Variants in YBX3 observed in about 807,000 individuals in gnomAD.
YBX3 encodes the protein Y-box-binding protein 3.
In YBX3, 29 loss-of-function variants were observed where a neutral mutation model predicts 42.4. That is an observed-to-expected ratio of 0.68 (90% confidence interval 0.51 to 0.93). YBX3 has a LOEUF of 0.93. Ranked by LOEUF, YBX3 falls within the 40% of genes least tolerant of loss-of-function variation. The probability of loss-of-function intolerance (pLI) is 0.00; values close to 1 mark genes in which losing one functional copy is unlikely to be tolerated. For missense variants in YBX3, 517 were observed against 527.5 expected (o/e 0.98, Z 0.19); for synonymous variants, 195 against 189.8 (o/e 1.03, Z -0.22).
chr12:10,704,217 T>A (rs1948113416), intron 6 of YBX3, 69 bp from the exon 7 acceptor site: 2 of 1,325,484 alleles, frequency 1.5e-6, no homozygotes, highest in Non-Finnish European at 2.1e-6. Context: ...CATACAGCTA[T>A]GTTCAGAATT....
intron 1 of YBX3, among the ~76,000 whole-genome samples, chr12:10,720,262 G>GTTA (rs769078370): frequency 6.6e-6 from 1 of 152,172 alleles, no homozygotes; most frequent in Non-Finnish European, 1.5e-5. Context: ...AACTAAAATA[G>GTTA]TAATTAAGAC....
chr12:10,722,606 G>A (rs1211162385), intron 1 of YBX3, among the ~76,000 whole-genome samples: 1 of 152,246 alleles, frequency 6.6e-6, no homozygotes, highest in Non-Finnish European at 1.5e-5. Context: ...CCCGGAACCA[G>A]AAGGGAGATG....
chr12:10,717,966 A>C (rs1948281234), intron 3 of YBX3, 122 bp downstream of exon 3: 2 of 784,758 alleles, frequency 2.5e-6, no homozygotes, highest in South Asian at 6.2e-5. Context: ...GTTGCAAAAT[A>C]AATCACAGAA....
intron 1 of YBX3, chr12:10,720,711 ATTG>A (rs1011070478): frequency 2.4e-4 from 37 of 152,354 alleles, no homozygotes; most frequent in African/African-American, 8.9e-4. Flanking sequence ...AATATCTAGC[ATTG>A]TTGAAGGAAT....
chr12:10,701,215 G>A (rs1189734573), intron 9 of YBX3, 39 bp downstream of exon 9: 8 of 755,202 alleles, frequency 1.1e-5, no homozygotes, highest in Non-Finnish European at 1.7e-5. Context: ...ATACTAAAAA[G>A]AAAATACCAA....
At chr12:10,716,960 T>G (rs778154538) in intron 3 of YBX3, among the ~76,000 whole-genome samples, 1 of 152,196 alleles carries the variant, frequency 6.6e-6, no homozygotes, top group African/African-American at 2.4e-5. Context: ...CAGCCACCAA[T>G]ACAGCAACTT....
chr12:10,705,952 A>C (rs11053911), intron 6 of YBX3, among the ~76,000 whole-genome samples: 19,051 of 152,144 alleles, frequency 0.13, 1,537 homozygotes, highest in African/African-American at 0.22. Flanking sequence ...CCCAGCTCTG[A>C]AATCAGCCAT....
intron 4 of YBX3, among the ~76,000 whole-genome samples, chr12:10,713,634 T>C (rs1467231315): frequency 6.6e-6 from 1 of 152,164 alleles, no homozygotes; most frequent in Non-Finnish European, 1.5e-5. Flanking sequence ...ACTGTCAAAG[T>C]AGAAGCAATG....
At chr12:10,714,605 C>G (rs554287794) in intron 4 of YBX3, among the ~76,000 whole-genome samples, 1 of 152,286 alleles carries the variant, frequency 6.6e-6, no homozygotes, top group East Asian at 1.9e-4. Flanking sequence ...CCAAGCCAAA[C>G]AGAAAACAAA....
At chr12:10,715,830 G>T in intron 3 of YBX3, 47 bp from the exon 4 acceptor site, 1 of 1,507,036 alleles carries the variant, frequency 6.6e-7, no homozygotes, top group Non-Finnish European at 9.2e-7. Context: ...TTCAATATTG[G>T]CCACAGATTT....
At position 10,705,652 on chromosome 12, in the gene YBX3, CTT is replaced by C. The variant is rs571873567; in HGVS notation, c.781-1506_781-1505del. On this transcript the variant is annotated intron_variant, in intron 6 of 9. Coordinates refer to ENST00000228251, the MANE Select transcript of YBX3 (RefSeq NM_003651.5). ...CAGAGTCCTCCACTGTAAGTTGACT[CTT>C]TCCTTCTTTGTAATTAATGAGTACT... 4.3e-4 allele frequency among the ~76,000 whole-genome samples: 66 copies of C among 152,312 alleles called. 1 individual carries two copies. Among genetic ancestry groups the C allele is most frequent in the Admixed American group, 4.2e-3 (65 of 15,302 alleles).
chr12:10,703,549 CTT>C (rs761385045), intron 7 of YBX3: 95 of 437,954 alleles, frequency 2.2e-4, no homozygotes, highest in African/African-American at 1.5e-3. Flanking sequence ...TAGAATATCT[CTT>C]TGTTTTCAGA....
At position 10,704,113 on chromosome 12, in the gene YBX3, T is replaced by G; in HGVS notation, c.816A>C (p.Pro272=). 1 of 1,614,216 alleles carries G rather than the reference T, an allele frequency of 6.2e-7. No homozygotes were observed. Among genetic ancestry groups the G allele is most frequent in the East Asian group, 2.2e-5 (1 of 44,886 alleles). ...GEIGEMKDGV[P]EGAQLQGPVH... is the part of the protein sequence containing the mutation. ...CCGGTCCCTGAAGTTGTGCTCCCTC[T>G]GGGACTCCATCCTTCATCTCTCCAA... Residue 272 remains proline (P), a synonymous_variant, in exon 7 of 10, where the codon CCA becomes CCC. Transcript: ENST00000228251.
intron 1 of YBX3, chr12:10,720,840 G>C (rs1026984627): frequency 6.6e-6 from 1 of 152,122 alleles, no homozygotes; most frequent in African/African-American, 2.4e-5. Flanking sequence ...GTTTAAAAAA[G>C]TTTCGTAATT....
At chr12:10,703,684 T>C in intron 7 of YBX3, 1 of 327,702 alleles carries the variant, frequency 3.1e-6, no homozygotes, top group South Asian at 2.6e-5. Flanking sequence ...TCTACTGGAC[T>C]GCCTCAGTGA....
chr12:10,716,263 C>A (rs1274459460), intron 3 of YBX3: 1 of 162,138 alleles, frequency 6.2e-6, no homozygotes, highest in Non-Finnish European at 1.3e-5. Context: ...ATCTGGCCTC[C>A]CCCCTCTCCT....
chr12:10,701,825 T>C (rs1307427687), intron 8 of YBX3, 135 bp downstream of exon 8: 4 of 995,472 alleles, frequency 4.0e-6, no homozygotes, highest in African/African-American at 1.6e-5. Context: ...ATACCCTATA[T>C]ATATGGATCT....
At position 10,702,003 on chromosome 12, in the gene YBX3, C is replaced by T. The variant is rs763864962; in HGVS notation, c.1010G>A (p.Arg337His). The T allele has an allele frequency of 5.4e-5, 87 of 1,613,854 alleles. No homozygotes were observed. Among genetic ancestry groups the T allele is most frequent in the Admixed American group, 4.2e-4 (25 of 59,978 alleles). ...AGGAGCGTTAGGAGGACGCGGGCGA[C>T]GCCGGTAATTGTAGGGACGCCGGTA... ...RGYRRPYNYR[R>H]RPRPPNAPSQ... Residue 337 changes from arginine (R) to histidine (H), a missense_variant, in exon 8 of 10, where the codon CGT becomes CAT. Coordinates refer to ENST00000228251, the MANE Select transcript of YBX3 (RefSeq NM_003651.5).
chr12:10,710,766 C>T (rs1043187454), intron 5 of YBX3: 1 of 424,324 alleles, frequency 2.4e-6, no homozygotes, highest in African/African-American at 2.1e-5. Context: ...CAGCTATCTT[C>T]TATTAAACCA....
Sources: allele counts gnomAD v4.1 joint callset (sites outside exome capture counted in the v4.1 genomes callset), GRCh38; gene constraint gnomAD v4.1.1; transcripts MANE v1.5; gene names NCBI Gene and HGNC (gene_info 2026-07-23, HGNC 2026-07-21).